Variants in SFXN5 observed in about 807,000 individuals in gnomAD.
The protein encoded by SFXN5 is sideroflexin 5.
SFXN5 carries 43 observed loss-of-function variants against 50.2 expected under a neutral mutation model. That is an observed-to-expected ratio of 0.86 (90% confidence interval 0.67 to 1.11). The LOEUF is 1.11. Among genes scored for constraint, SFXN5 ranks in the 50% least tolerant of loss-of-function variants. The probability of loss-of-function intolerance (pLI) is 0.00; values close to 1 mark genes in which losing one functional copy is unlikely to be tolerated. For missense variants in SFXN5, 463 were observed against 454.1 expected (o/e 1.02, Z -0.18); for synonymous variants, 203 against 185.8 (o/e 1.09, Z -0.75).
intron 9 of SFXN5, among the ~76,000 whole-genome samples, chr2:72,989,083 C>T (rs1474088346): frequency 1.3e-5 from 2 of 152,212 alleles, no homozygotes; most frequent in Non-Finnish European, 2.9e-5. Flanking sequence ...ACCAACGTGT[C>T]TGAGAAAGTG....
intron 2 of SFXN5, among the ~76,000 whole-genome samples, chr2:73,055,114 C>G (rs1474456298): frequency 6.6e-6 from 1 of 152,248 alleles, no homozygotes; most frequent in Non-Finnish European, 1.5e-5. Context: ...CTTTTCTCTC[C>G]CAGAGCTGGT....
intron 3 of SFXN5, among the ~76,000 whole-genome samples, chr2:73,034,159 G>A (rs1207262163): frequency 5.3e-5 from 8 of 152,164 alleles, no homozygotes; most frequent in East Asian, 3.9e-4. Flanking sequence ...CACTCAGTAC[G>A]ACACCTAGCA....
intron 13 of SFXN5, among the ~76,000 whole-genome samples, chr2:72,948,034 A>C (rs1465020397): frequency 1.3e-5 from 2 of 152,256 alleles, no homozygotes; most frequent in East Asian, 3.8e-4. Context: ...CTTAGCTTTC[A>C]GCTGCAAAAA....
At chr2:72,963,559 A>T (rs1267964498) in intron 12 of SFXN5, among the ~76,000 whole-genome samples, 4 of 151,912 alleles carry the variant, frequency 2.6e-5, no homozygotes, top group Non-Finnish European at 1.5e-5. Flanking sequence ...GGAAAATGGC[A>T]AGGAGGGAAG....
chr2:72,947,796 T>C (rs1222876691), intron 13 of SFXN5, among the ~76,000 whole-genome samples: 1 of 151,976 alleles, frequency 6.6e-6, no homozygotes, highest in Non-Finnish European at 1.5e-5. Context: ...CGCCACTCCG[T>C]CTTCTCAAAC....
At chr2:73,068,331 T>C (rs956827229) in intron 1 of SFXN5, among the ~76,000 whole-genome samples, 1 of 152,184 alleles carries the variant, frequency 6.6e-6, no homozygotes, top group Non-Finnish European at 1.5e-5. Context: ...ATTACACAAC[T>C]ATTACATGCC....
intron 6 of SFXN5, among the ~76,000 whole-genome samples, chr2:73,013,480 G>A (rs1574118306): frequency 6.6e-6 from 1 of 150,420 alleles, no homozygotes; most frequent in Non-Finnish European, 1.5e-5. Context: ...AGACAAAACT[G>A]TCTGAACACA....
chr2:73,071,322 G>A (rs1423439695), intron 1 of SFXN5: 17 of 431,208 alleles, frequency 3.9e-5, no homozygotes, highest in Non-Finnish European at 4.6e-5. Flanking sequence ...CGCAGCCGCC[G>A]GTGGCCAATC....
At chr2:73,013,206 T>C (rs983046281) in intron 6 of SFXN5, among the ~76,000 whole-genome samples, 1 of 152,144 alleles carries the variant, frequency 6.6e-6, no homozygotes, top group Non-Finnish European at 1.5e-5. Flanking sequence ...TAAATGTAAG[T>C]AGCCTTTTTA....
At chr2:73,005,940 G>A (rs1303576365) in intron 6 of SFXN5, among the ~76,000 whole-genome samples, 2 of 151,914 alleles carry the variant, frequency 1.3e-5, no homozygotes, top group Non-Finnish European at 2.9e-5. Context: ...GGGAGATTGA[G>A]TCTTTGGTCC....
intron 6 of SFXN5, among the ~76,000 whole-genome samples, chr2:73,009,611 T>C (rs901519470): frequency 1.3e-5 from 2 of 152,212 alleles, no homozygotes; most frequent in African/African-American, 4.8e-5. Flanking sequence ...CCATTTCGCC[T>C]CCATCAAGTA....
rs966620736 is a variant in SFXN5, at chr2:73,025,349, C to G, written c.250-2135G>C. Among the ~76,000 whole-genome samples, 17 of 152,172 alleles carry G rather than the reference C, an allele frequency of 1.1e-4. 1 individual carries two copies. In the South Asian group the frequency reaches 3.1e-3, roughly 28 times the overall value. On this transcript the variant is annotated intron_variant, in intron 3 of 13. Coordinates refer to ENST00000272433, the MANE Select transcript of SFXN5 (RefSeq NM_144579.3). ...CCTCTGGATTCACAGTCAGGCCACT[C>G]ACAGGCAGGAACTGGCTTTTCAGCA...
intron 10 of SFXN5, among the ~76,000 whole-genome samples, chr2:72,978,001 A>G (rs937315372): frequency 3.1e-5 from 4 of 127,170 alleles, no homozygotes; most frequent in Non-Finnish European, 6.3e-5. Context: ...AAGAAAGAAT[A>G]AGGAAAAAAA....
chr2:72,965,504 A>C (rs1232601227), intron 12 of SFXN5, among the ~76,000 whole-genome samples: 1 of 152,192 alleles, frequency 6.6e-6, no homozygotes, highest in East Asian at 1.9e-4. Context: ...CAAGCCACCT[A>C]TGGATGGCTA....
chr2:73,046,209 G>A (rs1680299685), intron 2 of SFXN5, among the ~76,000 whole-genome samples: 1 of 152,074 alleles, frequency 6.6e-6, no homozygotes, highest in African/African-American at 2.4e-5. Context: ...AGGAGTTCGA[G>A]ACCACCCTGG....
chr2:73,003,342 T>A (rs1192375684), intron 6 of SFXN5, among the ~76,000 whole-genome samples: 2 of 152,168 alleles, frequency 1.3e-5, no homozygotes, highest in African/African-American at 2.4e-5. Context: ...CACTTACCCC[T>A]CGAACTGTAC....
chr2:73,047,232 AAAAAAAAAAAAAAATATATAT>A (rs1239724114), intron 2 of SFXN5, among the ~76,000 whole-genome samples: 4 of 62,722 alleles, frequency 6.4e-5, no homozygotes, highest in Non-Finnish European at 1.1e-4. Flanking sequence ...AAAAAAAAAA[AAAAAAAAAAAAAAATATATAT>A]ATATATATAT....
chr2:73,067,331 G>A (rs1016439818), intron 1 of SFXN5, among the ~76,000 whole-genome samples: 3 of 152,190 alleles, frequency 2.0e-5, no homozygotes, highest in Non-Finnish European at 4.4e-5. Context: ...GAGACATGAT[G>A]ACTAAATGTA....
Position 72,953,116 on chromosome 2 carries a change from C to T in SFXN5, c.945+8015G>A, listed in dbSNP as rs998030567. ...GTATGTGTGCGAGCCTGTGTGCACGCGCAGGTTTGGGGTGGGGGTGTGGGG... is the reference window on the plus strand; with the variant it reads ...GTATGTGTGCGAGCCTGTGTGCACGTGCAGGTTTGGGGTGGGGGTGTGGGG... On this transcript the variant is annotated intron_variant, in intron 13 of 13. Transcript: ENST00000272433. The surrounding 1 kb of genome is among the most constrained non-coding windows in gnomAD (Gnocchi z 4.1). Among the ~76,000 whole-genome samples, 10 of 152,116 alleles carry T rather than the reference C, an allele frequency of 6.6e-5. No individual in the cohort carries two copies. Among genetic ancestry groups the T allele is most frequent in the African/African-American group, 1.9e-4 (8 of 41,410 alleles).
Sources: gnomAD v4.1 joint callset for allele counts (sites outside exome capture counted in the v4.1 genomes callset) on GRCh38, gnomAD v4.1.1 for gene constraint, Gnocchi (gnomAD v3.1) non-coding constraint, MANE v1.5 for transcripts, NCBI Gene and HGNC (gene_info 2026-07-23, HGNC 2026-07-21) for gene names.